The following IQSEC2 variants were observed in gnomAD, a reference collection of about 807,000 sequenced individuals.
IQSEC2 encodes the protein IQ motif and SEC7 domain-containing protein 2.
In IQSEC2, 6 loss-of-function variants were observed where a neutral mutation model predicts 74.6. The ratio of observed to expected loss-of-function variants is 0.08; its 90% CI spans 0.04 to 0.16. IQSEC2 has a LOEUF of 0.16. IQSEC2 is among the 10% of genes least tolerant of loss of function. The probability of loss-of-function intolerance (pLI) is 1.00; values close to 1 mark genes in which losing one functional copy is unlikely to be tolerated. For missense variants in IQSEC2, 734 were observed against 1,306.2 expected, an observed-to-expected ratio of 0.56 and a Z score of 6.75; for synonymous variants, 494 against 544.5, an observed-to-expected ratio of 0.91 and a Z score of 1.29.
At chrX:53,282,068 G>A (rs2074974925) in intron 2 of IQSEC2, among the ~76,000 whole-genome samples, 1 of 112,533 alleles carries the variant, frequency 8.9e-6, no homozygotes, top group Admixed American at 9.4e-5. Context: ...CTGGGACTCT[G>A]CATATTAAGT....
intron 2 of IQSEC2, among the ~76,000 whole-genome samples, chrX:53,264,940 T>A (rs927487022): frequency 5.5e-4 from 48 of 86,733 alleles, no homozygotes; most frequent in Non-Finnish European, 1.1e-3. Context: ...AAAAAAAAAA[T>A]CTTTTTGTAG....
At chrX:53,320,174 T>G (rs1302790184) in intron 1 of IQSEC2, among the ~76,000 whole-genome samples, 1 of 111,298 alleles carries the variant, frequency 9.0e-6, no homozygotes, top group Admixed American at 9.4e-5. Flanking sequence ...CGGCGATGAC[T>G]GCTCTAGTCC....
At chrX:53,264,126 T>C (rs2074615423) in intron 2 of IQSEC2, among the ~76,000 whole-genome samples, 1 of 111,921 alleles carries the variant, frequency 8.9e-6, no homozygotes, top group Non-Finnish European at 1.9e-5. Flanking sequence ...GGCTGCCAGG[T>C]ACATAAAGTC....
intron 4 of IQSEC2, 42 bp from the exon 5 acceptor site, chrX:53,251,216 G>C (rs1556863592): frequency 8.6e-7 from 1 of 1,160,012 alleles, no homozygotes; most frequent in Non-Finnish European, 1.2e-6. Context: ...GGAGAGAAAA[G>C]AAAGAAAGAT....
chrX:53,246,018 A>G (rs1468575816), intron 8 of IQSEC2, among the ~76,000 whole-genome samples: 1 of 110,335 alleles, frequency 9.1e-6, no homozygotes, highest in Non-Finnish European at 1.9e-5. Flanking sequence ...GTGCACCACC[A>G]TGCCTGCTAA....
rs1395098249 is a variant in IQSEC2, at chrX:53,266,889, G to A, written c.738-10828C>T. 1.3e-4 allele frequency: 81 copies of A among 602,040 alleles called. No individual in the cohort carries two copies. The highest frequency in any genetic ancestry group is 3.0e-4 in the East Asian group (5 of 16,879). 49.6% of individuals were successfully genotyped at this position (602,040 alleles called of 1,213,427 possible). ...GACAGGGTCCCATGGGGGAATCTGC[G>A]GGGGGGTGGGTGGGGGGAAGGAGGG... is the stretch of plus-strand genomic sequence containing the variant. On this transcript the variant is annotated intron_variant, in intron 2 of 14. Coordinates refer to ENST00000642864, the MANE Select transcript of IQSEC2 (RefSeq NM_001111125.3).
At chrX:53,299,317 A>G (rs1456752453) in intron 1 of IQSEC2, among the ~76,000 whole-genome samples, 1 of 112,026 alleles carries the variant, frequency 8.9e-6, no homozygotes, top group Non-Finnish European at 1.9e-5. Flanking sequence ...AGCTGCTTGG[A>G]AACTCTGTGT....
intron 1 of IQSEC2, among the ~76,000 whole-genome samples, chrX:53,292,458 G>C (rs1460236078): frequency 9.0e-6 from 1 of 111,730 alleles, no homozygotes; most frequent in African/African-American, 3.3e-5. Flanking sequence ...TTTGGAACCC[G>C]GTACGCAAAT....
chrX:53,302,831 G>A (rs1556875756), intron 1 of IQSEC2, among the ~76,000 whole-genome samples: 1 of 111,244 alleles, frequency 9.0e-6, no homozygotes, highest in African/African-American at 3.3e-5. Context: ...CAGCTACTCG[G>A]GAGGTTAAAG....
rs781930433 is a variant in IQSEC2, at chrX:53,250,345, G to A, written c.2231C>T (p.Ser744Leu). 7.4e-6 allele frequency: 9 copies of A among 1,211,431 alleles called. No individual in the cohort carries two copies. The highest frequency in any genetic ancestry group is 1.0e-5 in the Non-Finnish European group (9 of 895,086). Residue 744 changes from serine to leucine, a missense_variant, in exon 5 of 15, where the codon TCG becomes TTG. Ser to Leu is a moderately radical substitution (Grantham distance 145). Around this residue, in one of 12 missense-constraint regions of IQSEC2, gnomAD observed 2 missense variants for 28.2 expected, o/e 0.07. Coordinates refer to ENST00000642864, the MANE Select transcript of IQSEC2 (RefSeq NM_001111125.3). ...YQRETRHSWD[S>L]PAFNNDVVQR... Reference sequence around the variant, plus strand: ...GACCACATCATTGTTGAAAGCTGGCGAGTCCCAGCTATGCCTTGTCTCCCG... The same window carrying A: ...GACCACATCATTGTTGAAAGCTGGCAAGTCCCAGCTATGCCTTGTCTCCCG...
At chrX:53,305,908 T>A (rs2075257122) in intron 1 of IQSEC2, among the ~76,000 whole-genome samples, 1 of 111,316 alleles carries the variant, frequency 9.0e-6, no homozygotes, top group Non-Finnish European at 1.9e-5. Context: ...AGACAATCAT[T>A]CAAGGACGGA....
intron 2 of IQSEC2, among the ~76,000 whole-genome samples, chrX:53,283,663 C>T (rs781840256): frequency 9.0e-6 from 1 of 111,664 alleles, no homozygotes; most frequent in South Asian, 3.7e-4. Context: ...TGATGACCCA[C>T]CAGAGGCTGA....
chrX:53,251,309 G>GGAATCCACCCTCCT, intron 4 of IQSEC2, 135 bp from the exon 5 acceptor site: 1 of 653,367 alleles, frequency 1.5e-6, no homozygotes, highest in African/African-American at 2.2e-5. Context: ...AGCAAGGAGG[G>GGAATCCACCCTCCT]TGGATTCCCC....
intron 1 of IQSEC2, among the ~76,000 whole-genome samples, chrX:53,301,339 A>C (rs2075209186): frequency 9.0e-6 from 1 of 111,615 alleles, no homozygotes; most frequent in South Asian, 3.8e-4. Flanking sequence ...AGGATCTTGG[A>C]GGCCAGCCTA....
chrX:53,270,874 C>G (rs1161404860), intron 2 of IQSEC2, among the ~76,000 whole-genome samples: 2 of 110,971 alleles, frequency 1.8e-5, no homozygotes, highest in African/African-American at 6.6e-5. Context: ...TCCTCCTGAT[C>G]ACCTCTCAAA....
intron 2 of IQSEC2, chrX:53,281,637 G>T: frequency 1.1e-6 from 1 of 887,036 alleles, no homozygotes; most frequent in Non-Finnish European, 1.5e-6. Context: ...GCGGGGCCAG[G>T]CCAGCTGGGC....
intron 1 of IQSEC2, among the ~76,000 whole-genome samples, chrX:53,300,984 G>C (rs2075205517): frequency 8.9e-6 from 1 of 112,088 alleles, no homozygotes; most frequent in South Asian, 3.7e-4. Context: ...GAGAACAAGG[G>C]CAAATACACC....
At chrX:53,277,345 G>C (rs2074851172) in intron 2 of IQSEC2, among the ~76,000 whole-genome samples, 1 of 110,131 alleles carries the variant, frequency 9.1e-6, no homozygotes, top group Non-Finnish European at 1.9e-5. Context: ...CCGAGTAGGT[G>C]GGATTACAGG....
chrX:53,272,680 G>A (rs1222803390), intron 2 of IQSEC2, among the ~76,000 whole-genome samples: 3 of 111,270 alleles, frequency 2.7e-5, no homozygotes, highest in Non-Finnish European at 5.7e-5. Flanking sequence ...CCTTTCCCAG[G>A]AACGCCTACT....
Sources: allele counts gnomAD v4.1 joint callset (sites outside exome capture counted in the v4.1 genomes callset), GRCh38; gene constraint gnomAD v4.1.1; regional missense constraint gnomAD v4.1.1; transcripts MANE v1.5; gene names NCBI Gene and HGNC (gene_info 2026-07-23, HGNC 2026-07-21).